Variants in CATSPERB observed in about 807,000 individuals in gnomAD.
CATSPERB encodes the protein cation channel sperm-associated auxiliary subunit beta.
CATSPERB carries 93 observed loss-of-function variants against 128.3 expected under a neutral mutation model. The observed-to-expected ratio is 0.72, with a 90% CI of 0.61 to 0.86. The LOEUF (loss-of-function observed/expected upper bound fraction) is 0.86. Among genes scored for constraint, CATSPERB ranks in the 40% least tolerant of loss-of-function variants. The probability of loss-of-function intolerance (pLI) is 0.00; values close to 1 mark genes in which losing one functional copy is unlikely to be tolerated. For missense variants in CATSPERB, 1,153 were observed against 1,329.5 expected (o/e 0.87, Z 2.06); for synonymous variants, 381 against 448.8 (o/e 0.85, Z 1.91).
chr14:91,609,867 C>T (rs1023301359), intron 21 of CATSPERB, among the ~76,000 whole-genome samples: 10 of 151,940 alleles, frequency 6.6e-5, no homozygotes, highest in Non-Finnish European at 1.3e-4. Flanking sequence ...ATTACAGGCG[C>T]GTGCCACCGT....
intron 15 of CATSPERB, among the ~76,000 whole-genome samples, chr14:91,656,362 TATA>T (rs760412052): frequency 1.3e-5 from 2 of 152,022 alleles, no homozygotes; most frequent in Non-Finnish European, 2.9e-5. Flanking sequence ...ACTGATCAAA[TATA>T]ATAACTACAA....
intron 17 of CATSPERB, among the ~76,000 whole-genome samples, chr14:91,630,382 T>A (rs1050460418): frequency 6.6e-6 from 1 of 152,174 alleles, no homozygotes; most frequent in Non-Finnish European, 1.5e-5. Context: ...AAATGCCAAG[T>A]TTCCACTCTG....
rs115249277 is a variant in CATSPERB at position 91,723,930 on chromosome 14, A to G, written c.169-741T>C. ...AAGATAGAAAAAATGAAATAAATAT[A>G]GAATACATTATAAGAACGAGGCAGG... is the stretch of plus-strand genomic sequence containing the variant. On this transcript the variant is annotated intron_variant, in intron 3 of 26. Coordinates refer to ENST00000256343, the MANE Select transcript of CATSPERB (RefSeq NM_024764.4). Among the ~76,000 whole-genome samples, 790 of 152,350 alleles carry G rather than the reference A, an allele frequency of 5.2e-3. 7 individuals are homozygous for G. Among genetic ancestry groups the G allele is most frequent in the African/African-American group, 0.018 (738 of 41,590 alleles).
intron 17 of CATSPERB, among the ~76,000 whole-genome samples, chr14:91,628,806 C>G (rs956123235): frequency 5.3e-5 from 8 of 152,078 alleles, no homozygotes; most frequent in African/African-American, 1.9e-4. Flanking sequence ...CAGGGAAATG[C>G]AAATTAACAA....
chr14:91,678,991 A>T (rs1390278986), intron 11 of CATSPERB, among the ~76,000 whole-genome samples: 3 of 152,184 alleles, frequency 2.0e-5, no homozygotes, highest in Non-Finnish European at 4.4e-5. Flanking sequence ...AGTGCTGTCT[A>T]ATATCTCCAT....
intron 17 of CATSPERB, among the ~76,000 whole-genome samples, chr14:91,625,257 G>A (rs949506728): frequency 1.3e-5 from 2 of 152,132 alleles, no homozygotes; most frequent in Admixed American, 6.5e-5. Flanking sequence ...GTGAAGATAG[G>A]CATTCATCCA....
intron 10 of CATSPERB, among the ~76,000 whole-genome samples, chr14:91,686,709 A>T (rs922639794): frequency 7.9e-5 from 12 of 152,216 alleles, no homozygotes; most frequent in African/African-American, 2.7e-4. Flanking sequence ...ATTATTTTTT[A>T]AAAGTGCATA....
chr14:91,638,457 C>T (rs1007713118), intron 16 of CATSPERB, among the ~76,000 whole-genome samples: 5 of 151,078 alleles, frequency 3.3e-5, no homozygotes, highest in African/African-American at 1.2e-4. Context: ...AGTTCAGTGG[C>T]ACGATCACAG....
Position 91,703,363 on chromosome 14 carries a change from T to G in CATSPERB, c.616+1189A>C, listed in dbSNP as rs536654899. ...CCTGCATGATGGAGTGCTAGGAACA[T>G]CCTTTGTTATAACATTTGGTCTTTG... On this transcript the variant is annotated intron_variant, in intron 7 of 26. Transcript: ENST00000256343. Among the ~76,000 whole-genome samples the G allele has an allele frequency of 5.9e-5, 9 of 152,268 alleles. No homozygotes were observed. In the South Asian group the frequency reaches 1.9e-3, roughly 32 times the overall value.
At chr14:91,603,560 A>G in intron 22 of CATSPERB, 1 of 691,510 alleles carries the variant, frequency 1.4e-6, no homozygotes, top group Non-Finnish European at 2.6e-6. Context: ...ACCGCTCTAG[A>G]GCCTGAGAAG....
At chr14:91,704,048 G>A (rs532183371) in intron 7 of CATSPERB, among the ~76,000 whole-genome samples, 6 of 152,048 alleles carry the variant, frequency 3.9e-5, no homozygotes, top group Admixed American at 1.3e-4. Context: ...ACACCTACTC[G>A]GTCATCCACA....
At chr14:91,657,940 T>C (rs536566808) in intron 15 of CATSPERB, among the ~76,000 whole-genome samples, 3 of 152,112 alleles carry the variant, frequency 2.0e-5, no homozygotes, top group East Asian at 1.9e-4. Context: ...ATTAGTACAA[T>C]GGAGAGTACA....
At chr14:91,585,509 T>A (rs1352801122) in intron 26 of CATSPERB, among the ~76,000 whole-genome samples, 20 of 152,360 alleles carry the variant, frequency 1.3e-4, no homozygotes, top group Admixed American at 8.5e-4. Flanking sequence ...AGTTTTTAAA[T>A]TTAAATATTA....
At chr14:91,673,673 A>T (rs1266552135) in intron 12 of CATSPERB, among the ~76,000 whole-genome samples, 1 of 152,176 alleles carries the variant, frequency 6.6e-6, no homozygotes, top group Admixed American at 6.5e-5. Flanking sequence ...TCACGAGGTC[A>T]AGAGATCAAG....
At chr14:91,678,674 T>C (rs1027064027) in intron 11 of CATSPERB, among the ~76,000 whole-genome samples, 1 of 152,208 alleles carries the variant, frequency 6.6e-6, no homozygotes, top group Non-Finnish European at 1.5e-5. Flanking sequence ...AGTGTCAGCA[T>C]ACATTTTTGT....
At chr14:91,588,749 G>A (rs1743171) in intron 24 of CATSPERB, among the ~76,000 whole-genome samples, 105,403 of 152,104 alleles carry the variant, frequency 0.69, 37,051 homozygotes, top group East Asian at 0.96. Context: ...ATGTTTAAAT[G>A]TTTAATGATC....
intron 11 of CATSPERB, among the ~76,000 whole-genome samples, chr14:91,678,093 G>T (rs370618700): frequency 6.6e-6 from 1 of 152,150 alleles, no homozygotes; most frequent in South Asian, 2.1e-4. Context: ...GGGGGGCAAG[G>T]GGGGAGAGAG....
intron 14 of CATSPERB, among the ~76,000 whole-genome samples, chr14:91,662,466 T>A (rs1894903479): frequency 6.6e-6 from 1 of 152,230 alleles, no homozygotes; most frequent in African/African-American, 2.4e-5. Flanking sequence ...TTCATAGACA[T>A]CTGGATTACT....
rs896634632 is a variant in CATSPERB at position 91,728,199 on chromosome 14, T to C, written c.79+1202A>G. ...AGTGATCTTGGCTCACTGCAACTTC[T>C]GCCTCCTGGGGCTCAAGTGATCTTC... On this transcript the variant is annotated intron_variant, in intron 2 of 26. Transcript: ENST00000256343. Among the ~76,000 whole-genome samples, 3 of 152,306 alleles carry C rather than the reference T, an allele frequency of 2.0e-5. 1 individual carries two copies. The highest frequency in any genetic ancestry group is 2.4e-5 in the African/African-American group (1 of 41,576).
Sources: gnomAD v4.1 joint callset for allele counts (sites outside exome capture counted in the v4.1 genomes callset) on GRCh38, gnomAD v4.1.1 for gene constraint, MANE v1.5 for transcripts, NCBI Gene and HGNC (gene_info 2026-07-23, HGNC 2026-07-21) for gene names.